The following KNL1 variants were observed in gnomAD, a reference collection of about 807,000 sequenced individuals.
KNL1 encodes the protein outer kinetochore KNL1 complex subunit KNL1.
Under a neutral mutation model 201.3 loss-of-function variants are expected in KNL1, and 66 were observed. That is an observed-to-expected ratio of 0.33 (90% CI 0.27 to 0.40). KNL1 has a LOEUF of 0.40. Ranked by LOEUF, KNL1 falls within the 10% of genes least tolerant of loss-of-function variation. The pLI is 1.00. For synonymous variants in KNL1, 895 were observed against 899.2 expected (o/e 1.00, Z 0.08); for missense variants, 2,815 against 2,690.5 (o/e 1.05, Z -1.02).
rs1892585375 is a variant in KNL1 at position 40,622,716 on chromosome 15, G to A, written c.2452G>A (p.Val818Met). 2 of 1,590,788 alleles carry A rather than the reference G, an allele frequency of 1.3e-6. No homozygotes were observed. The highest frequency in any genetic ancestry group is 1.7e-6 in the Non-Finnish European group (2 of 1,171,762). ...TAAAAGTCCCATAGAAAAAAGTGGA[G>A]TGCTTAAATCTAACTGTATTATGGA... The part of the protein sequence containing the change: ...CGKSPIEKSG[V>M]LKSNCIMDVL... Residue 818 changes from valine to methionine, a missense_variant, in exon 10 of 26, where the codon GTG (valine) becomes ATG (methionine). Around this residue, in one of 3 missense-constraint regions of KNL1, gnomAD observed 2,464 missense variants for 2,291.7 expected, o/e 1.08. Coordinates refer to ENST00000399668, the MANE Select transcript of KNL1 (RefSeq NM_144508.5).
At chr15:40,615,490 C>A in intron 8 of KNL1, 112 bp downstream of exon 8, 1 of 173,756 alleles carries the variant, frequency 5.8e-6, no homozygotes, top group Non-Finnish European at 9.7e-6. Context: ...CAAACAGAGG[C>A]CAGGCACGGT....
chr15:40,624,271 A>G lies in KNL1; in HGVS notation c.4007A>G (p.Gln1336Arg). The change falls in exon 10 of 26, where the codon CAA (glutamine) becomes CGA (arginine). Residue 1336 changes from glutamine to arginine, a missense_variant. Physicochemically the swap from Gln to Arg is conservative, Grantham distance 43. This residue lies in a region of KNL1 where 2,464 missense variants were observed against 2,291.7 expected (regional missense o/e 1.08). Transcript: ENST00000399668. The part of the protein sequence containing the change: ...DEEKANYCPV[Q>R]NDLAYANDFA... The stretch of plus-strand genomic sequence containing the variant: ...GAAAAAGCCAATTATTGCCCAGTGC[A>G]AAATGATCTTGCTTATGCAAATGAT... The G allele has an allele frequency of 1.2e-6, 2 of 1,614,118 alleles. No homozygotes were observed. Among genetic ancestry groups the G allele is most frequent in the Non-Finnish European group, 8.5e-7 (1 of 1,179,976 alleles).
At chr15:40,610,883 G>C in intron 6 of KNL1, 1 of 453,510 alleles carries the variant, frequency 2.2e-6, no homozygotes, top group Non-Finnish European at 4.4e-6. Context: ...CCAGGTAGCC[G>C]GGATTACAGG....
intron 13 of KNL1, among the ~76,000 whole-genome samples, chr15:40,631,828 G>A (rs894059887): frequency 6.6e-5 from 10 of 151,942 alleles, no homozygotes; most frequent in Non-Finnish European, 1.2e-4. Flanking sequence ...CGGGAAAATA[G>A]GGAGACCCTG....
chr15:40,621,667 C>G lies in KNL1; in HGVS notation c.1403C>G (p.Ala468Gly), dbSNP rs1892533949. The G allele has an allele frequency of 6.2e-7, 1 of 1,612,444 alleles. No individual in the cohort carries two copies. Among genetic ancestry groups the G allele is most frequent in the Non-Finnish European group, 8.5e-7 (1 of 1,178,894 alleles). ...NYAKMYCNPD[A>G]MSSLTEKTIY... ...GCTAAAATGTATTGCAATCCAGATG[C>G]TATGTCTTCTCTCACAGAGAAAACT... The change falls in exon 10 of 26, where the codon GCT becomes GGT. Residue 468 changes from alanine to glycine, a missense_variant. Transcript: ENST00000399668.
At chr15:40,661,307 A>G (rs1010853999) in intron 25 of KNL1, among the ~76,000 whole-genome samples, 1 of 152,090 alleles carries the variant, frequency 6.6e-6, no homozygotes, top group Admixed American at 6.5e-5. Context: ...CCTGGCCAAC[A>G]TGATGAAACC....
In KNL1 at chr15:40,624,231, T is replaced by C. The variant is rs748014405; in HGVS notation, c.3967T>C (p.Cys1323Arg). The change falls in exon 10 of 26, where the codon TGT becomes CGT. Residue 1323 changes from cysteine to arginine, a missense_variant. Coordinates refer to ENST00000399668, the MANE Select transcript of KNL1 (RefSeq NM_144508.5). ...DNLEGSAMLL[C>R]DKDEEKANYC... is the part of the protein sequence containing the mutation. ...TTTGGAGGGTAGTGCCATGCTCTTA[T>C]GTGATAAAGATGAGGAAAAAGCCAA... 14 of 1,613,976 alleles carry C rather than the reference T, an allele frequency of 8.7e-6. No individual in the cohort carries two copies. Among genetic ancestry groups the C allele is most frequent in the Admixed American group, 3.3e-5 (2 of 60,026 alleles).
rs771401381 is a variant in KNL1, at chr15:40,620,734, A to G, written c.470A>G (p.His157Arg). The G allele has an allele frequency of 1.2e-6, 2 of 1,612,094 alleles. No homozygotes were observed. The highest frequency in any genetic ancestry group is 2.2e-5 in the South Asian group (2 of 90,894). ...DENQMDLTSS[H>R]TVMITKGLLD... Reference sequence around the variant, plus strand: ...AACCAGATGGACCTGACATCAAGTCACACTGTAATGATTACCAAAGGCCTT... The same window carrying G: ...AACCAGATGGACCTGACATCAAGTCGCACTGTAATGATTACCAAAGGCCTT... Residue 157 changes from histidine (H) to arginine (R), a missense_variant, in exon 10 of 26, where the codon CAC (histidine) becomes CGC (arginine). This residue lies in a region of KNL1 where 2,464 missense variants were observed against 2,291.7 expected (regional missense o/e 1.08). Coordinates refer to ENST00000399668, the MANE Select transcript of KNL1 (RefSeq NM_144508.5).
At chr15:40,645,892 A>T (rs1364875353) in intron 16 of KNL1, 120 bp downstream of exon 16, 1 of 512,168 alleles carries the variant, frequency 2.0e-6, no homozygotes, top group African/African-American at 2.0e-5. Context: ...CAAAAACTTA[A>T]CAATTAAGAG....
chr15:40,606,294 A>G, intron 3 of KNL1, 99 bp from the exon 4 acceptor site: 1 of 694,148 alleles, frequency 1.4e-6, no homozygotes, highest in South Asian at 1.7e-5. Flanking sequence ...AGAGTTTTTA[A>G]TGAAAATTTT....
Position 40,622,541 on chromosome 15 carries a change from G to A in KNL1, c.2277G>A (p.Glu759=), listed in dbSNP as rs760026099. The change falls in exon 10 of 26, where the codon GAG becomes GAA. Residue 759 remains glutamate, a synonymous_variant. Transcript: ENST00000399668. ...HDKMIICSEE[E]QNMDLTKSHT... ...AGATGATTATATGTTCAGAGGAAGA[G>A]CAAAATATGGATCTAACAAAGAGCC... 1 of 1,613,892 alleles carries A rather than the reference G, an allele frequency of 6.2e-7. No individual in the cohort carries two copies. Among genetic ancestry groups the A allele is most frequent in the South Asian group, 1.1e-5 (1 of 91,056 alleles).
Position 40,621,541 on chromosome 15 carries a change from A to T in KNL1, c.1277A>T (p.Lys426Met), listed in dbSNP as rs915948479. ...TCTAATCCATCTATTCAAGGTTGTA[A>T]GACTGTTTTCTATTCTAGTTGTAAT... ...IYSNPSIQGC[K>M]TVFYSSCNDA... Residue 426 changes from lysine (K) to methionine (M), a missense_variant, in exon 10 of 26, where the codon AAG (lysine) becomes ATG (methionine). This residue lies in a region of KNL1 where 2,464 missense variants were observed against 2,291.7 expected (regional missense o/e 1.08). Coordinates refer to ENST00000399668, the MANE Select transcript of KNL1 (RefSeq NM_144508.5). 2 of 1,611,820 alleles carry T rather than the reference A, an allele frequency of 1.2e-6. No individual in the cohort carries two copies. Among genetic ancestry groups the T allele is most frequent in the Non-Finnish European group, 1.7e-6 (2 of 1,179,036 alleles).
chr15:40,643,871 G>T (rs982170019), intron 14 of KNL1, among the ~76,000 whole-genome samples: 30 of 152,070 alleles, frequency 2.0e-4, no homozygotes, highest in Non-Finnish European at 3.4e-4. Flanking sequence ...TTATTATGTA[G>T]AAAAAAACTA....
intron 14 of KNL1, among the ~76,000 whole-genome samples, chr15:40,644,339 C>CA: frequency 6.6e-6 from 1 of 152,370 alleles, no homozygotes; most frequent in East Asian, 1.9e-4. Flanking sequence ...AGCATTGCTG[C>CA]AAACATGTCT....
chr15:40,635,697 C>G (rs754114142), intron 13 of KNL1, among the ~76,000 whole-genome samples: 2 of 151,954 alleles, frequency 1.3e-5, no homozygotes, highest in Non-Finnish European at 2.9e-5. Flanking sequence ...TGTGCCAGCC[C>G]TCATAGACAT....
Position 40,628,622 on chromosome 15 carries a change from A to G in KNL1, c.5527A>G (p.Ser1843Gly). The change falls in exon 12 of 26, where the codon AGT (serine) becomes GGT (glycine). Residue 1843 changes from serine to glycine, a missense_variant. Transcript: ENST00000399668. The part of the protein sequence containing the change: ...TSLDFSTYRS[S>G]QMESQFLRDT... ...TGCTTTACTTCTAGCTTACCGCAGT[A>G]GTCAAATGGAATCACAGTTTCTCAG... 1.9e-6 allele frequency: 3 copies of G among 1,602,364 alleles called. No individual in the cohort carries two copies. The highest frequency in any genetic ancestry group is 2.6e-6 in the Non-Finnish European group (3 of 1,172,598).
chr15:40,609,116 T>A (rs1008562810), intron 5 of KNL1, among the ~76,000 whole-genome samples: 1 of 151,940 alleles, frequency 6.6e-6, no homozygotes, highest in Admixed American at 6.6e-5. Context: ...TTATTTGACA[T>A]TGTACTAGGG....
chr15:40,626,521 T>G (rs1211761738), intron 10 of KNL1, among the ~76,000 whole-genome samples: 1 of 152,108 alleles, frequency 6.6e-6, no homozygotes, highest in Admixed American at 6.6e-5. Flanking sequence ...TCTTAGGCAC[T>G]GTTTTATGTG....
chr15:40,626,850 G>A (rs1892768839), intron 10 of KNL1, among the ~76,000 whole-genome samples: 1 of 151,878 alleles, frequency 6.6e-6, no homozygotes, highest in South Asian at 2.1e-4. Context: ...AGAGTGCTGG[G>A]ATTACAGGCA....
Sources: allele counts gnomAD v4.1 joint callset (sites outside exome capture counted in the v4.1 genomes callset), GRCh38; gene constraint gnomAD v4.1.1; regional missense constraint gnomAD v4.1.1; transcripts MANE v1.5; gene names NCBI Gene and HGNC (gene_info 2026-07-23, HGNC 2026-07-21).